Variants in CCL28 observed in about 807,000 individuals in gnomAD.
CCL28 encodes the protein C-C motif chemokine ligand 28.
In CCL28, 4 loss-of-function variants were observed where a neutral mutation model predicts 7.1. That is an observed-to-expected ratio of 0.56 (90% CI 0.28 to 1.29). CCL28 has a LOEUF of 1.29. Among genes scored for constraint, CCL28 ranks in the 50% most tolerant of loss-of-function variants. The pLI, the probability that CCL28 is intolerant of heterozygous loss-of-function variation, is 0.11. For synonymous variants in CCL28, 55 were observed against 57.8 expected (o/e 0.95, Z 0.22); for missense variants, 151 against 163.4 (o/e 0.92, Z 0.41).
At chr5:43,393,615 A>G (rs1356224988) in intron 1 of CCL28, among the ~76,000 whole-genome samples, 2 of 152,126 alleles carry the variant, frequency 1.3e-5, no homozygotes, top group African/African-American at 4.8e-5. Flanking sequence ...TCAGCCTCCC[A>G]AAGTGCTGGG....
intron 2 of CCL28, among the ~76,000 whole-genome samples, chr5:43,383,307 T>C (rs1561155292): frequency 6.6e-6 from 1 of 152,152 alleles, no homozygotes; most frequent in Non-Finnish European, 1.5e-5. Context: ...AGTATTTCCG[T>C]ATCCAGATAA....
chr5:43,402,930 G>A (rs569409536), intron 1 of CCL28, among the ~76,000 whole-genome samples: 1 of 152,362 alleles, frequency 6.6e-6, no homozygotes, highest in Admixed American at 6.5e-5. Context: ...AGCGGTCTGA[G>A]ATTGAACAGC....
At chr5:43,402,830 A>G (rs1252295761) in intron 1 of CCL28, among the ~76,000 whole-genome samples, 1 of 152,196 alleles carries the variant, frequency 6.6e-6, no homozygotes, top group African/African-American at 2.4e-5. Context: ...CGCTTTTCCA[A>G]TGGTCTTAGC....
chr5:43,382,911 C>G (rs765478443), intron 2 of CCL28, among the ~76,000 whole-genome samples: 4 of 151,866 alleles, frequency 2.6e-5, no homozygotes, highest in Non-Finnish European at 5.9e-5. Context: ...TTCCGTCTCC[C>G]GGGTTCAAGT....
chr5:43,390,618 C>T (rs990137301), intron 1 of CCL28, among the ~76,000 whole-genome samples: 1 of 152,228 alleles, frequency 6.6e-6, no homozygotes, highest in Non-Finnish European at 1.5e-5. Context: ...AAGTGGGCAA[C>T]CACCAGTGGG....
downstream of CCL28, among the ~76,000 whole-genome samples, chr5:43,375,774 G>A (rs948542682): frequency 6.6e-5 from 10 of 151,640 alleles, no homozygotes; most frequent in Admixed American, 2.0e-4. Context: ...GGCGGACCCC[G>A]TCTCTATCAA....
the CCL28 span, among the ~76,000 whole-genome samples, chr5:43,367,562 C>T: frequency 4.6e-5 from 7 of 152,176 alleles, no homozygotes; most frequent in African/African-American, 7.2e-5. Flanking sequence ...TTAGGCTGCA[C>T]CCACTATCTA....
intron 1 of CCL28, among the ~76,000 whole-genome samples, chr5:43,392,065 T>C (rs1740594687): frequency 6.6e-6 from 1 of 152,162 alleles, no homozygotes; most frequent in Admixed American, 6.6e-5. Flanking sequence ...AGGTTTCTGA[T>C]TCAGTAAATC....
chr5:43,405,686 C>CA (rs1193552407), intron 1 of CCL28, among the ~76,000 whole-genome samples: 4 of 151,970 alleles, frequency 2.6e-5, no homozygotes, highest in Non-Finnish European at 5.9e-5. Flanking sequence ...AAAAACCATT[C>CA]AAAAAATCAA....
intron 1 of CCL28, among the ~76,000 whole-genome samples, chr5:43,404,548 A>C (rs143754754): frequency 0.013 from 1,912 of 152,362 alleles, 35 homozygotes; most frequent in East Asian, 0.083. Context: ...CAGCCACTGC[A>C]AAAACATGCC....
chr5:43,372,209 A>T (rs1421984192), downstream of CCL28, among the ~76,000 whole-genome samples: 1 of 152,212 alleles, frequency 6.6e-6, no homozygotes, highest in Admixed American at 6.5e-5. Context: ...GGGCAAACAT[A>T]GCTAACTGTA....
the CCL28 span, among the ~76,000 whole-genome samples, chr5:43,370,124 C>T: frequency 6.6e-6 from 1 of 152,234 alleles, no homozygotes; most frequent in East Asian, 1.9e-4. Flanking sequence ...TAAAAGACTT[C>T]AAGTGAGACC....
chr5:43,369,421 A>G, the CCL28 span, among the ~76,000 whole-genome samples: 106 of 152,118 alleles, frequency 7.0e-4, 1 homozygote, highest in East Asian at 0.02. Context: ...TTTAAATTTT[A>G]TTTCTTTTCT....
intron 1 of CCL28, among the ~76,000 whole-genome samples, chr5:43,411,866 A>T (rs745663663): frequency 1.6e-4 from 24 of 152,242 alleles, no homozygotes; most frequent in Non-Finnish European, 3.1e-4. Context: ...AGGAATGTGC[A>T]CAGTTGTGTT....
chr5:43,365,015 T>C, the CCL28 span, among the ~76,000 whole-genome samples: 1 of 149,310 alleles, frequency 6.7e-6, no homozygotes, highest in East Asian at 1.9e-4. Context: ...TTTTTTTTTT[T>C]TTTTTTTTGA....
intron 1 of CCL28, among the ~76,000 whole-genome samples, chr5:43,391,059 G>T (rs1740551792): frequency 1.3e-5 from 2 of 152,206 alleles, no homozygotes; most frequent in Admixed American, 1.3e-4. Context: ...GTGTGTGAAA[G>T]AAAGTAGGGG....
chr5:43,360,586 G>T, the CCL28 span, among the ~76,000 whole-genome samples: 1 of 152,090 alleles, frequency 6.6e-6, no homozygotes, highest in East Asian at 1.9e-4. Context: ...CCATGTCCAT[G>T]CAAAGGACAT....
At chr5:43,399,646 T>C (rs1740951998) in intron 1 of CCL28, among the ~76,000 whole-genome samples, 1 of 152,196 alleles carries the variant, frequency 6.6e-6, no homozygotes, top group South Asian at 2.1e-4. Context: ...GGAATAGTAT[T>C]TTCAGTTTTT....
At chr5:43,406,968 AC>A in intron 1 of CCL28, among the ~76,000 whole-genome samples, 1 of 152,350 alleles carries the variant, frequency 6.6e-6, no homozygotes, top group East Asian at 1.9e-4. Flanking sequence ...AGAACTACAA[AC>A]CACTGCTCAA....
Sources: allele counts gnomAD v4.1 joint callset (sites outside exome capture counted in the v4.1 genomes callset), GRCh38; gene constraint gnomAD v4.1.1; transcripts MANE v1.5; gene names NCBI Gene and HGNC (gene_info 2026-07-23, HGNC 2026-07-21).